FAM120A: variants seen among roughly 807,000 people sequenced by gnomAD.
The protein encoded by FAM120A is family with sequence similarity 120 member A, also known as constitutive coactivator of PPAR-gamma-like protein 1.
In FAM120A, 15 loss-of-function variants were observed where a neutral mutation model predicts 109.7. The observed-to-expected ratio is 0.14, with a 90% confidence interval of 0.09 to 0.21. The LOEUF (loss-of-function observed/expected upper bound fraction) is 0.21. FAM120A is among the 10% of genes least tolerant of loss of function. FAM120A has a pLI of 1.00. For synonymous variants in FAM120A, 493 were observed against 572.8 expected, an observed-to-expected ratio of 0.86 and a Z score of 1.99; for missense variants, 899 against 1,439.3, an observed-to-expected ratio of 0.62 and a Z score of 6.07.
At chr9:93,559,593 C>T (rs568755967) in intron 15 of FAM120A, among the ~76,000 whole-genome samples, 2 of 152,384 alleles carry the variant, frequency 1.3e-5, no homozygotes, top group East Asian at 3.9e-4. Context: ...CTGCATGCCT[C>T]TCTGCCTCCT....
At chr9:93,512,988 T>G (rs952583326) in intron 5 of FAM120A, among the ~76,000 whole-genome samples, 4 of 152,220 alleles carry the variant, frequency 2.6e-5, no homozygotes, top group African/African-American at 9.6e-5. Flanking sequence ...GGTTTTAGGA[T>G]GAAATGGCCA....
intron 9 of FAM120A, chr9:93,529,869 A>G (rs1372709543): frequency 1.8e-6 from 1 of 550,170 alleles, no homozygotes; most frequent in Admixed American, 3.6e-5. Flanking sequence ...TTGTAATTTT[A>G]TTCTTTTTAC....
At chr9:93,549,560 T>C (rs1023341532) in intron 11 of FAM120A, among the ~76,000 whole-genome samples, 5 of 152,214 alleles carry the variant, frequency 3.3e-5, no homozygotes, top group Non-Finnish European at 7.3e-5. Flanking sequence ...GATTTAGTGC[T>C]CAGCACCAAC....
chr9:93,501,259 T>C (rs1859788509), intron 5 of FAM120A, among the ~76,000 whole-genome samples: 1 of 152,172 alleles, frequency 6.6e-6, no homozygotes, highest in South Asian at 2.1e-4. Flanking sequence ...AAGATAAGTA[T>C]AGAGAAAGGC....
At chr9:93,505,052 T>TG (rs1491485661) in intron 5 of FAM120A, among the ~76,000 whole-genome samples, 4 of 15,946 alleles carry the variant, frequency 2.5e-4, no homozygotes, top group Non-Finnish European at 4.9e-4. Flanking sequence ...TTCGCTTGTG[T>TG]TTTTTTTTTT....
intron 1 of FAM120A, among the ~76,000 whole-genome samples, chr9:93,459,195 A>G (rs1857681420): frequency 1.3e-5 from 2 of 152,232 alleles, no homozygotes; most frequent in South Asian, 2.1e-4. Context: ...TGGACATTCT[A>G]GTCTGTTGTA....
chr9:93,481,471 C>T (rs1003283335), intron 3 of FAM120A, among the ~76,000 whole-genome samples: 7 of 151,942 alleles, frequency 4.6e-5, no homozygotes, highest in Non-Finnish European at 7.4e-5. Flanking sequence ...CTATTGACCT[C>T]GTATTTGGGT....
chr9:93,543,909 A>C (rs10821157), intron 11 of FAM120A, among the ~76,000 whole-genome samples: 42,480 of 152,100 alleles, frequency 0.28, 6,992 homozygotes, highest in East Asian at 0.42. Flanking sequence ...GAAATGTATC[A>C]TTAGGTGATT....
rs373079235 is a variant in FAM120A, at chr9:93,558,659, C to T, written c.2747C>T (p.Ser916Leu). ...CGTGCCTTCCGTGTGGCGGCAGCAT[C>T]GGGACACTGCGGAGCCTTCTCAGGC... Reference protein sequence around the residue: ...PYRAFRVAAASGHCGAFSGSD... With the variant: ...PYRAFRVAAALGHCGAFSGSD... The change falls in exon 15 of 18, where the codon TCG (serine) becomes TTG (leucine). Residue 916 changes from serine to leucine, a missense_variant. Transcript: ENST00000277165. 9.3e-6 allele frequency: 15 copies of T among 1,614,020 alleles called. No individual in the cohort carries two copies. The highest frequency in any genetic ancestry group is 6.6e-5 in the South Asian group (6 of 91,086).
intron 1 of FAM120A, among the ~76,000 whole-genome samples, chr9:93,466,383 CCTGGCT>C (rs1173694763): frequency 2.6e-5 from 4 of 152,018 alleles, no homozygotes; most frequent in Non-Finnish European, 4.4e-5. Context: ...CTTGCATTGT[CCTGGCT>C]CTGGCTTTGG....
chr9:93,455,750 C>T (rs1857524521), intron 1 of FAM120A, among the ~76,000 whole-genome samples: 1 of 151,986 alleles, frequency 6.6e-6, no homozygotes, highest in African/African-American at 2.4e-5. Flanking sequence ...GCAACCTCCA[C>T]CTCCTGGGTT....
At chr9:93,491,202 T>C (rs1859296815) in intron 3 of FAM120A, among the ~76,000 whole-genome samples, 1 of 152,176 alleles carries the variant, frequency 6.6e-6, no homozygotes, top group Admixed American at 6.5e-5. Context: ...CCCACACCAC[T>C]GACCCAACCC....
chr9:93,499,896 T>C (rs1031382409), intron 5 of FAM120A, among the ~76,000 whole-genome samples: 2 of 152,236 alleles, frequency 1.3e-5, no homozygotes, highest in East Asian at 1.9e-4. Flanking sequence ...TATTCAAGCA[T>C]AGTGTCTGCT....
At chr9:93,533,289 C>T (rs1421460476) in intron 10 of FAM120A, among the ~76,000 whole-genome samples, 1 of 152,140 alleles carries the variant, frequency 6.6e-6, no homozygotes, top group Non-Finnish European at 1.5e-5. Flanking sequence ...AACCTAAGTT[C>T]ATTAGATTTA....
At chr9:93,459,981 GT>G in intron 1 of FAM120A, among the ~76,000 whole-genome samples, 1 of 152,204 alleles carries the variant, frequency 6.6e-6, no homozygotes, top group Admixed American at 6.5e-5. Context: ...CAGGAAGAAA[GT>G]AATCAAAACT....
chr9:93,453,554 C>T (rs571395055), intron 1 of FAM120A: 3 of 985,402 alleles, frequency 3.0e-6, no homozygotes, highest in South Asian at 9.4e-5. Context: ...CCCCCACTGC[C>T]CGCGAGGAGA....
intron 5 of FAM120A, among the ~76,000 whole-genome samples, chr9:93,509,988 C>T (rs768444675): frequency 2.6e-5 from 4 of 152,120 alleles, no homozygotes; most frequent in African/African-American, 4.8e-5. Flanking sequence ...CGTCCTAGTT[C>T]ATCTTGATGA....
At chr9:93,464,432 A>T (rs1227041254) in intron 1 of FAM120A, among the ~76,000 whole-genome samples, 1 of 152,172 alleles carries the variant, frequency 6.6e-6, no homozygotes, top group Non-Finnish European at 1.5e-5. Context: ...ACTTGTCAAC[A>T]CTAATGACAC....
Position 93,532,215 on chromosome 9 carries a change from G to T in FAM120A, c.1795G>T (p.Ala599Ser), listed in dbSNP as rs746373611. 1 of 1,614,200 alleles carries T rather than the reference G, an allele frequency of 6.2e-7. No individual in the cohort carries two copies. Among genetic ancestry groups the T allele is most frequent in the Non-Finnish European group, 8.5e-7 (1 of 1,180,022 alleles). The change falls in exon 10 of 18, where the codon GCT becomes TCT. Residue 599 changes from alanine to serine, a missense_variant. Ala to Ser is a moderately conservative substitution (Grantham distance 99). Transcript: ENST00000277165. The surrounding 1 kb of genome is among the most constrained non-coding windows in gnomAD (Gnocchi z 4.3). ...DEANKDLPPA[A>S]LLYRPVRQYV... ...AGCCAACAAGGACCTGCCTCCGGCC[G>T]CTCTGCTCTATAGGCCAGTTCGTCA...
Sources: allele counts gnomAD v4.1 joint callset (sites outside exome capture counted in the v4.1 genomes callset), GRCh38; gene constraint gnomAD v4.1.1; non-coding constraint Gnocchi (gnomAD v3.1); transcripts MANE v1.5; gene names NCBI Gene and HGNC (gene_info 2026-07-23, HGNC 2026-07-21).